The following MAGI2 variants were observed in gnomAD, a reference collection of about 807,000 sequenced individuals.
MAGI2 encodes membrane-associated guanylate kinase, WW and PDZ domain-containing protein 2.
A neutral mutation model predicts 133.3 loss-of-function variants in MAGI2; 35 were observed. The observed-to-expected ratio is 0.26, with a 90% CI of 0.20 to 0.35. MAGI2 has a LOEUF of 0.35. Ranked by LOEUF, MAGI2 falls within the 10% of genes least tolerant of loss-of-function variation. MAGI2 has a pLI of 1.00. For synonymous variants in MAGI2, 729 were observed against 710.6 expected, an observed-to-expected ratio of 1.03 and a Z score of -0.41; for missense variants, 1,636 against 1,863.4, an observed-to-expected ratio of 0.88 and a Z score of 2.25.
At chr7:78,339,969 A>G (rs1318192789) in intron 9 of MAGI2, among the ~76,000 whole-genome samples, 1 of 152,226 alleles carries the variant, frequency 6.6e-6, no homozygotes, top group Non-Finnish European at 1.5e-5. Flanking sequence ...ATAAATGGCA[A>G]TACAGCGTTG....
intron 7 of MAGI2, among the ~76,000 whole-genome samples, chr7:78,353,887 T>C (rs1427595244): frequency 6.6e-6 from 1 of 152,172 alleles, no homozygotes; most frequent in Non-Finnish European, 1.5e-5. Flanking sequence ...TTCTGAGTCA[T>C]GGTATGGAGT....
chr7:78,876,417 C>A (rs1442954331), intron 2 of MAGI2, among the ~76,000 whole-genome samples: 1 of 148,114 alleles, frequency 6.8e-6, no homozygotes, highest in Non-Finnish European at 1.5e-5. Flanking sequence ...AGAAGAAAGA[C>A]AAAATAATCA....
At chr7:78,607,462 A>G (rs914695572) in intron 3 of MAGI2, among the ~76,000 whole-genome samples, 4 of 150,930 alleles carry the variant, frequency 2.7e-5, no homozygotes, top group Non-Finnish European at 5.9e-5. Flanking sequence ...TGGAAACAGA[A>G]CCACATGTTC....
At chr7:79,345,342 G>A (rs574198224) in intron 1 of MAGI2, among the ~76,000 whole-genome samples, 1 of 152,196 alleles carries the variant, frequency 6.6e-6, no homozygotes, top group South Asian at 2.1e-4. Flanking sequence ...ACTAGCAGAA[G>A]AGGCATGGCA....
chr7:79,141,297 G>C (rs1822105485), intron 1 of MAGI2, among the ~76,000 whole-genome samples: 1 of 152,102 alleles, frequency 6.6e-6, no homozygotes, highest in African/African-American at 2.4e-5. Context: ...AAAATACAGA[G>C]AAAGGAAAAT....
At chr7:78,101,217 T>G (rs752424004) in intron 20 of MAGI2, among the ~76,000 whole-genome samples, 1 of 152,196 alleles carries the variant, frequency 6.6e-6, no homozygotes, top group Non-Finnish European at 1.5e-5. Flanking sequence ...GGAATTTGCA[T>G]AGAACCCTTT....
chr7:78,543,659 G>A (rs550045303), intron 3 of MAGI2, among the ~76,000 whole-genome samples: 33 of 152,208 alleles, frequency 2.2e-4, no homozygotes, highest in African/African-American at 5.1e-4. Flanking sequence ...TTTCCTTCCC[G>A]TTACTTCATG....
intron 2 of MAGI2, among the ~76,000 whole-genome samples, chr7:78,923,551 A>G (rs537931487): frequency 1.3e-5 from 2 of 152,200 alleles, no homozygotes; most frequent in Non-Finnish European, 2.9e-5. Context: ...CCATTGATCT[A>G]TATCTCTGTT....
chr7:78,923,737 A>G (rs1377413145), intron 2 of MAGI2, among the ~76,000 whole-genome samples: 3 of 152,140 alleles, frequency 2.0e-5, no homozygotes, highest in Non-Finnish European at 4.4e-5. Flanking sequence ...GAAGAAAGTA[A>G]TTGGTAGCTT....
intron 16 of MAGI2, among the ~76,000 whole-genome samples, chr7:78,152,926 A>G (rs1824027762): frequency 6.6e-6 from 1 of 152,248 alleles, no homozygotes; most frequent in African/African-American, 2.4e-5. Flanking sequence ...ATAAGAGAAC[A>G]TTACATGTTG....
At chr7:79,082,992 T>G (rs569525629) in intron 1 of MAGI2, among the ~76,000 whole-genome samples, 1 of 151,798 alleles carries the variant, frequency 6.6e-6, no homozygotes, top group African/African-American at 2.4e-5. Flanking sequence ...TGTTCATTGA[T>G]TATATATAAA....
At chr7:79,032,199 T>C (rs999858582) in intron 1 of MAGI2, among the ~76,000 whole-genome samples, 1 of 152,138 alleles carries the variant, frequency 6.6e-6, no homozygotes, top group Non-Finnish European at 1.5e-5. Flanking sequence ...ATATTCTCTG[T>C]CATTCTTTTG....
intron 6 of MAGI2, among the ~76,000 whole-genome samples, chr7:78,387,873 C>A (rs1400420964): frequency 6.6e-6 from 1 of 151,944 alleles, no homozygotes; most frequent in African/African-American, 2.4e-5. Flanking sequence ...TTGCAGTGAT[C>A]CCAGATCACG....
chr7:78,120,019 A>G (rs1273523355), intron 20 of MAGI2, among the ~76,000 whole-genome samples: 2 of 152,242 alleles, frequency 1.3e-5, no homozygotes, highest in Admixed American at 6.5e-5. Context: ...ATGTTCATGG[A>G]AAGACTCGAT....
intron 1 of MAGI2, among the ~76,000 whole-genome samples, chr7:79,171,770 A>ATATATATATATATATATTT: frequency 6.7e-4 from 21 of 31,212 alleles, no homozygotes; most frequent in Non-Finnish European, 1.2e-3. Context: ...ATATATATAT[A>ATATATATATATATATATTT]TTTTTTTTTT....
intron 20 of MAGI2, among the ~76,000 whole-genome samples, chr7:78,105,372 G>T (rs1031793319): frequency 6.6e-6 from 1 of 152,072 alleles, no homozygotes; most frequent in Non-Finnish European, 1.5e-5. Context: ...ATATCCCTGA[G>T]AACAGATTTG....
intron 2 of MAGI2, among the ~76,000 whole-genome samples, chr7:78,882,178 C>T (rs1299841020): frequency 7.7e-6 from 1 of 130,042 alleles, no homozygotes; most frequent in Non-Finnish European, 1.6e-5. Flanking sequence ...ATGAAGGTGA[C>T]ATTACAACTG....
intron 6 of MAGI2, among the ~76,000 whole-genome samples, chr7:78,476,260 C>T (rs1396557401): frequency 6.6e-6 from 1 of 151,862 alleles, no homozygotes; most frequent in East Asian, 1.9e-4. Flanking sequence ...TTTTTTGTAG[C>T]CTCGAACCAC....
intron 21 of MAGI2, among the ~76,000 whole-genome samples, chr7:78,036,677 A>G (rs757860): frequency 0.7 from 106,429 of 151,858 alleles, 38,059 homozygotes; most frequent in African/African-American, 0.84. Context: ...GGAGTACAGT[A>G]GTGATCATAG....
Sources: allele counts gnomAD v4.1 joint callset (sites outside exome capture counted in the v4.1 genomes callset), GRCh38; gene constraint gnomAD v4.1.1; transcripts MANE v1.5; gene names NCBI Gene and HGNC (gene_info 2026-07-23, HGNC 2026-07-21).